STIM1: variants seen among roughly 807,000 people sequenced by gnomAD.
STIM1 encodes the protein stromal interaction molecule 1.
STIM1 carries 25 observed loss-of-function variants against 74.7 expected under a neutral mutation model. The observed-to-expected ratio is 0.33, with a 90% CI of 0.24 to 0.47. The LOEUF (loss-of-function observed/expected upper bound fraction) is 0.47. Among genes scored for constraint, STIM1 ranks in the 20% least tolerant of loss-of-function variants. STIM1 has a pLI of 1.00. For synonymous variants in STIM1, 328 were observed against 348.8 expected, an observed-to-expected ratio of 0.94 and a Z score of 0.66; for missense variants, 728 against 920.8, an observed-to-expected ratio of 0.79 and a Z score of 2.71.
At chr11:4,035,867 T>C (rs1314132091) in intron 3 of STIM1, among the ~76,000 whole-genome samples, 7 of 139,254 alleles carry the variant, frequency 5.0e-5, no homozygotes, top group South Asian at 4.6e-4. Flanking sequence ...TTTTTTTTTT[T>C]CAACTTTTAA....
Position 3,880,038 on chromosome 11 carries a change from G to A in STIM1, c.139+23629G>A, listed in dbSNP as rs368781700. Among the ~76,000 whole-genome samples, 39 of 152,316 alleles carry A rather than the reference G, an allele frequency of 2.6e-4. No individual in the cohort carries two copies. The South Asian group carries it at 8.1e-3, about 32-fold the overall frequency. On this transcript the variant is annotated intron_variant, in intron 1 of 12. Transcript: ENST00000526596. The stretch of plus-strand genomic sequence containing the variant: ...AGATCCAGGAAGCAGGACAGGATGT[G>A]TGGTGCTGGGCACTTTTGTGTTGTG...
chr11:3,938,076 G>T (rs2092957794), intron 1 of STIM1, among the ~76,000 whole-genome samples: 2 of 151,956 alleles, frequency 1.3e-5, no homozygotes, highest in South Asian at 4.2e-4. Flanking sequence ...TGGGTTTACA[G>T]GTGCCCACCA....
At chr11:4,039,036 C>A (rs1242591313) in intron 3 of STIM1, among the ~76,000 whole-genome samples, 1 of 152,054 alleles carries the variant, frequency 6.6e-6, no homozygotes, top group Non-Finnish European at 1.5e-5. Context: ...GTCGGATAAC[C>A]CTTCAGCTTG....
intron 3 of STIM1, among the ~76,000 whole-genome samples, chr11:4,024,649 C>T (rs889692540): frequency 2.0e-5 from 3 of 152,184 alleles, no homozygotes; most frequent in African/African-American, 7.2e-5. Context: ...AGGACTGTCA[C>T]CTTCTTGTTT....
At chr11:4,059,720 G>C (rs868294513) in intron 5 of STIM1, among the ~76,000 whole-genome samples, 8 of 152,280 alleles carry the variant, frequency 5.3e-5, no homozygotes, top group Admixed American at 1.3e-4. Flanking sequence ...CTGAGGCCCA[G>C]ATGAGGGCTA....
intron 1 of STIM1, among the ~76,000 whole-genome samples, chr11:3,933,889 A>T (rs906669311): frequency 7.9e-5 from 12 of 152,192 alleles, no homozygotes; most frequent in African/African-American, 2.9e-4. Flanking sequence ...TGAAAAAGGC[A>T]TTGGGGCTTG....
intron 2 of STIM1, among the ~76,000 whole-genome samples, chr11:4,018,569 T>G (rs1256230722): frequency 1.5e-5 from 2 of 137,854 alleles, no homozygotes; most frequent in Admixed American, 1.6e-4. Flanking sequence ...TGCTTGAAAC[T>G]GGGAGGTGGA....
At chr11:3,914,186 T>A (rs943360306) in intron 1 of STIM1, among the ~76,000 whole-genome samples, 12 of 152,334 alleles carry the variant, frequency 7.9e-5, no homozygotes, top group Non-Finnish European at 1.3e-4. Context: ...CTTCGTGAAT[T>A]TGCCTATTCT....
At chr11:3,967,483 T>A in intron 1 of STIM1, 69 bp from the exon 2 acceptor site, 1 of 1,611,910 alleles carries the variant, frequency 6.2e-7, no homozygotes, top group Admixed American at 1.7e-5. Context: ...CTAAGGATGC[T>A]GACACAGGTG....
intron 1 of STIM1, among the ~76,000 whole-genome samples, chr11:3,964,452 C>T (rs949548885): frequency 1.2e-4 from 18 of 152,156 alleles, no homozygotes; most frequent in Non-Finnish European, 2.5e-4. Context: ...TTCTCTATGT[C>T]ATCTGATGCT....
At chr11:3,900,468 C>A (rs189073598) in intron 1 of STIM1, among the ~76,000 whole-genome samples, 6 of 152,210 alleles carry the variant, frequency 3.9e-5, no homozygotes, top group African/African-American at 1.2e-4. Context: ...TCTGGCACTC[C>A]CCAGTGAGAT....
intron 5 of STIM1, among the ~76,000 whole-genome samples, chr11:4,061,730 T>C (rs1312544447): frequency 3.9e-5 from 6 of 151,936 alleles, no homozygotes; most frequent in African/African-American, 9.7e-5. Flanking sequence ...AGCCAAAAAA[T>C]AAAACAACCC....
intron 1 of STIM1, among the ~76,000 whole-genome samples, chr11:3,947,173 G>A (rs142841726): frequency 3.4e-4 from 51 of 150,842 alleles, no homozygotes; most frequent in African/African-American, 1.2e-3. Context: ...GCTGTGGACA[G>A]GAAACCCTTG....
intron 7 of STIM1, among the ~76,000 whole-genome samples, chr11:4,077,590 A>G (rs964672175): frequency 6.6e-6 from 1 of 152,152 alleles, no homozygotes; most frequent in Non-Finnish European, 1.5e-5. Context: ...CATTCTTTTT[A>G]GCACTTATAT....
chr11:4,001,092 G>T (rs966554114), intron 2 of STIM1, among the ~76,000 whole-genome samples: 31 of 152,206 alleles, frequency 2.0e-4, no homozygotes, highest in Non-Finnish European at 3.7e-4. Flanking sequence ...TATATGAAAA[G>T]ACCAAATCTG....
At chr11:4,039,728 G>T (rs753690896) in intron 3 of STIM1, among the ~76,000 whole-genome samples, 1 of 151,854 alleles carries the variant, frequency 6.6e-6, no homozygotes, top group Non-Finnish European at 1.5e-5. Flanking sequence ...GGAGAAAAGA[G>T]TAATATGTAC....
intron 7 of STIM1, among the ~76,000 whole-genome samples, chr11:4,075,305 C>T (rs1018328740): frequency 1.3e-5 from 2 of 152,122 alleles, no homozygotes; most frequent in African/African-American, 4.8e-5. Context: ...CAAGCTTTTG[C>T]ATATGCATGT....
intron 12 of STIM1, among the ~76,000 whole-genome samples, chr11:4,089,408 CT>C (rs2094511009): frequency 6.6e-6 from 1 of 152,150 alleles, no homozygotes; most frequent in Admixed American, 6.5e-5. Flanking sequence ...CTTCCCAGAA[CT>C]TCCTTGGCAC....
chr11:3,895,616 T>TC (rs1565104503), intron 1 of STIM1, among the ~76,000 whole-genome samples: 3 of 9,088 alleles, frequency 3.3e-4, no homozygotes, highest in East Asian at 9.6e-3. Flanking sequence ...CTCTCTTTCT[T>TC]TCTTTCTTTC....
Sources: allele counts gnomAD v4.1 joint callset (sites outside exome capture counted in the v4.1 genomes callset), GRCh38; gene constraint gnomAD v4.1.1; transcripts MANE v1.5; gene names NCBI Gene and HGNC (gene_info 2026-07-23, HGNC 2026-07-21).